The following KYAT3 variants were observed in gnomAD, a reference collection of about 807,000 sequenced individuals.
The protein encoded by KYAT3 is kynurenine aminotransferase 3.
A neutral mutation model predicts 59.0 loss-of-function variants in KYAT3; 50 were observed. The ratio of observed to expected loss-of-function variants is 0.85; its 90% CI spans 0.68 to 1.07. The LOEUF (loss-of-function observed/expected upper bound fraction) is 1.07. Among genes scored for constraint, KYAT3 ranks in the 50% least tolerant of loss-of-function variants. The probability of loss-of-function intolerance (pLI) is 0.00; values close to 1 mark genes in which losing one functional copy is unlikely to be tolerated. For missense variants in KYAT3, 497 were observed against 533.3 expected (o/e 0.93, Z 0.67); for synonymous variants, 148 against 177.0 (o/e 0.84, Z 1.30).
intron 2 of KYAT3, among the ~76,000 whole-genome samples, chr1:88,978,747 G>A (rs1028876632): frequency 6.6e-5 from 10 of 151,482 alleles, no homozygotes; most frequent in African/African-American, 2.2e-4. Flanking sequence ...CTGGGTTCAA[G>A]TGATCCTCCT....
At chr1:88,974,539 T>A (rs1402475029) in intron 2 of KYAT3, among the ~76,000 whole-genome samples, 1 of 147,894 alleles carries the variant, frequency 6.8e-6, no homozygotes, top group African/African-American at 2.5e-5. Context: ...AGTGGCATGA[T>A]CTCGGCTCAC....
intron 4 of KYAT3, among the ~76,000 whole-genome samples, chr1:88,966,263 T>C (rs1319816368): frequency 6.6e-6 from 1 of 152,146 alleles, no homozygotes; most frequent in Non-Finnish European, 1.5e-5. Context: ...TTTACAAAAT[T>C]TGACATATTG....
In KYAT3 at chr1:88,962,158, CA is replaced by C. The variant is rs1553169415; in HGVS notation, c.454-14del. 6.4e-7 allele frequency: 1 copy of C among 1,557,632 alleles called. No homozygotes were observed. The highest frequency in any genetic ancestry group is 8.9e-7 in the Non-Finnish European group (1 of 1,128,638). ...CTATTAGTATGACCTGCAATAAAAG[CA>C]AATAAGATCACAACCTGTCAATCAT... On this transcript the variant is annotated splice_polypyrimidine_tract_variant and intron_variant, in intron 5 of 13. Transcript: ENST00000260508.
At chr1:88,974,473 T>C (rs1335699141) in intron 2 of KYAT3, among the ~76,000 whole-genome samples, 16 of 135,510 alleles carry the variant, frequency 1.2e-4, no homozygotes, top group South Asian at 2.5e-4. Flanking sequence ...CTCTCTCTTT[T>C]TTTTTTTTTT....
chr1:88,977,023 T>C (rs1013245016), intron 2 of KYAT3, among the ~76,000 whole-genome samples: 2 of 152,158 alleles, frequency 1.3e-5, no homozygotes, highest in Non-Finnish European at 2.9e-5. Flanking sequence ...CTGTTCTGTT[T>C]TGTTTTTTTG....
chr1:88,960,687 G>T (rs578144598), intron 8 of KYAT3, among the ~76,000 whole-genome samples: 24 of 152,102 alleles, frequency 1.6e-4, no homozygotes, highest in Non-Finnish European at 2.4e-4. Flanking sequence ...ACATGGTTTG[G>T]ACTACCCCAG....
the KYAT3 span, among the ~76,000 whole-genome samples, chr1:88,927,124 T>C: frequency 1.3e-5 from 2 of 152,096 alleles, no homozygotes; most frequent in Admixed American, 6.5e-5. Flanking sequence ...GGAATAAACA[T>C]TAGGACCATA....
chr1:88,963,524 A>G (rs545874487), intron 5 of KYAT3, among the ~76,000 whole-genome samples: 12 of 152,334 alleles, frequency 7.9e-5, no homozygotes, highest in Admixed American at 3.9e-4. Context: ...GAAAGTTAAC[A>G]ATATAGATCA....
chr1:88,990,151 C>T (rs2101104936), intron 1 of KYAT3, among the ~76,000 whole-genome samples: 1 of 152,260 alleles, frequency 6.6e-6, no homozygotes, highest in Non-Finnish European at 1.5e-5. Flanking sequence ...AATTACCCTC[C>T]TTTAAAAGGA....
At chr1:88,975,564 C>T (rs1430031328) in intron 2 of KYAT3, among the ~76,000 whole-genome samples, 1 of 152,230 alleles carries the variant, frequency 6.6e-6, no homozygotes, top group Non-Finnish European at 1.5e-5. Flanking sequence ...AACTAATTAT[C>T]ACAAGAAGGA....
chr1:88,935,413 C>T (rs113795713), downstream of KYAT3, among the ~76,000 whole-genome samples: 7 of 150,858 alleles, frequency 4.6e-5, no homozygotes, highest in African/African-American at 1.7e-4. Flanking sequence ...AAGACAGCAA[C>T]AATGAGCTGG....
intron 9 of KYAT3, among the ~76,000 whole-genome samples, chr1:88,953,851 T>C (rs994222070): frequency 6.6e-6 from 1 of 152,032 alleles, no homozygotes; most frequent in Non-Finnish European, 1.5e-5. Flanking sequence ...ACATACAGAC[T>C]TGATTCTCCA....
chr1:88,940,668 A>G (rs541151832), intron 13 of KYAT3, among the ~76,000 whole-genome samples: 1 of 152,340 alleles, frequency 6.6e-6, no homozygotes, highest in East Asian at 1.9e-4. Flanking sequence ...AGTTTAATAC[A>G]TCTCTTCCGC....
chr1:88,953,174 G>T (rs1172214882), intron 9 of KYAT3, 22 bp from the exon 10 acceptor site: 2 of 1,522,990 alleles, frequency 1.3e-6, no homozygotes, highest in Non-Finnish European at 1.8e-6. Context: ...AAAGATAAAA[G>T]ATTTCAGAAA....
intron 13 of KYAT3, among the ~76,000 whole-genome samples, chr1:88,940,853 C>T (rs192038266): frequency 1.3e-5 from 2 of 151,836 alleles, no homozygotes; most frequent in African/African-American, 2.4e-5. Context: ...GCCAGTGCAG[C>T]GACTGCTCCT....
At chr1:88,935,081 T>C (rs138919093), downstream of KYAT3, among the ~76,000 whole-genome samples, 321 of 148,438 alleles carry the variant, frequency 2.2e-3, 7 homozygotes, top group Admixed American at 0.021. Flanking sequence ...GTAGCCTCTA[T>C]CTCCCAGGTT....
chr1:88,937,278 G>A (rs1189869201), intron 13 of KYAT3, among the ~76,000 whole-genome samples: 1 of 152,148 alleles, frequency 6.6e-6, no homozygotes, highest in African/African-American at 2.4e-5. Context: ...AGCCCAGGTC[G>A]GGTGAAGATG....
chr1:88,951,445 G>T (rs1446593666), intron 10 of KYAT3, among the ~76,000 whole-genome samples: 1 of 151,940 alleles, frequency 6.6e-6, no homozygotes, highest in African/African-American at 2.4e-5. Context: ...ATGTTGGCCA[G>T]GCTGGTCTCG....
chr1:88,963,279 C>A lies in KYAT3; in HGVS notation c.454-1134G>T, dbSNP rs539503440. ...GGGCTAAGCCTTATAATACTCCCAA[C>A]AGAGTGCAGAGAAAGAAGCAACAAA... On this transcript the variant is annotated intron_variant, in intron 5 of 13. Coordinates refer to ENST00000260508, the MANE Select transcript of KYAT3 (RefSeq NM_001008661.3). Among the ~76,000 whole-genome samples, 8 of 152,096 alleles carry A rather than the reference C, an allele frequency of 5.3e-5. No homozygotes were observed. The East Asian group carries it at 1.5e-3, about 29-fold the overall frequency.
Sources: gnomAD v4.1 joint callset for allele counts (sites outside exome capture counted in the v4.1 genomes callset) on GRCh38, gnomAD v4.1.1 for gene constraint, MANE v1.5 for transcripts, NCBI Gene and HGNC (gene_info 2026-07-23, HGNC 2026-07-21) for gene names.